The following RNF149 variants were observed in gnomAD, a reference collection of about 807,000 sequenced individuals.
RNF149 encodes the protein ring finger protein 149.
Under a neutral mutation model 39.0 loss-of-function variants are expected in RNF149, and 21 were observed. That is an observed-to-expected ratio of 0.54 (90% confidence interval 0.38 to 0.77). The LOEUF is 0.77. RNF149 is among the 30% of genes least tolerant of loss of function. The pLI is 0.00. For synonymous variants in RNF149, 209 were observed against 213.6 expected (o/e 0.98, Z 0.19); for missense variants, 493 against 534.9 (o/e 0.92, Z 0.77).
At position 101,308,519 on chromosome 2, in the gene RNF149, C is replaced by CACGCA; in HGVS notation, c.69_70insTGCGT (p.Ala24CysfsTer21). The CACGCA allele has an allele frequency of 6.2e-7, 1 of 1,606,440 alleles. No homozygotes were observed. Among genetic ancestry groups the CACGCA allele is most frequent in the Non-Finnish European group, 8.5e-7 (1 of 1,177,850 alleles). On this transcript the variant is annotated frameshift_variant, in exon 1 of 7. Coordinates refer to ENST00000295317, the MANE Select transcript of RNF149 (RefSeq NM_173647.4). LOFTEE classifies it high-confidence loss of function. Reference sequence around the variant, plus strand: ...CCCCGGGCCCCGGGCACGCACAGGGCCAGGGCGAGCAACGCCAGAGCCAAC... The same window carrying CACGCA: ...CCCCGGGCCCCGGGCACGCACAGGGCACGCACAGGGCGAGCAACGCCAGAGCCAAC...
At chr2:101,274,612 A>C (rs910694059), downstream of RNF149, among the ~76,000 whole-genome samples, 10 of 152,202 alleles carry the variant, frequency 6.6e-5, no homozygotes, top group African/African-American at 2.4e-4. Context: ...ACACAGCCCA[A>C]GGGCTCGCCA....
chr2:101,303,479 T>C (rs1224303842), intron 1 of RNF149, among the ~76,000 whole-genome samples: 3 of 152,162 alleles, frequency 2.0e-5, no homozygotes, highest in African/African-American at 7.2e-5. Flanking sequence ...TGTGAGAGTG[T>C]AGCATTACAG....
chr2:101,273,465 A>AATATTTGT (rs1365618938), downstream of RNF149: 1 of 404,802 alleles, frequency 2.5e-6, no homozygotes, highest in Non-Finnish European at 5.0e-6. Flanking sequence ...AAACTCTTGT[A>AATATTTGT]ATATTTGTTT....
chr2:101,298,764 G>C (rs1683338295), intron 1 of RNF149, among the ~76,000 whole-genome samples: 1 of 152,218 alleles, frequency 6.6e-6, no homozygotes, highest in Admixed American at 6.5e-5. Flanking sequence ...GACCATGACT[G>C]TTTCTGGGGA....
chr2:101,286,212 A>C, intron 4 of RNF149, 35 bp from the exon 5 acceptor site: 1 of 1,204,574 alleles, frequency 8.3e-7, no homozygotes, highest in Non-Finnish European at 1.2e-6. Context: ...TGTTTTTAAA[A>C]TCAATGTTTA....
In RNF149 at chr2:101,308,397, G is replaced by A. The variant is rs776434546; in HGVS notation, c.192C>T (p.Phe64=). The change falls in exon 1 of 7, where the codon TTC becomes TTT. Residue 64 remains phenylalanine, a synonymous_variant. Coordinates refer to ENST00000295317, the MANE Select transcript of RNF149 (RefSeq NM_173647.4). The part of the protein sequence containing the change: ...TVWSVSESGR[F]GDSSPKEGAH... ...CGCCCTCCTTGGGCGAGCTGTCGCCGAAGCGGCCACTCTCCGAGACGCTCC... is the reference window on the plus strand; with the variant it reads ...CGCCCTCCTTGGGCGAGCTGTCGCCAAAGCGGCCACTCTCCGAGACGCTCC... 8 of 1,610,222 alleles carry A rather than the reference G, an allele frequency of 5.0e-6. No homozygotes were observed. In the African/African-American group the frequency reaches 6.7e-5, roughly 14 times the overall value.
chr2:101,289,708 A>G lies in RNF149; in HGVS notation c.781-653T>C, dbSNP rs1215710215. ...CAACTGTTGAGCAAGACTCTGTCTC[A>G]AAAAAAAAAAAAAAAAAGAGACAGG... On this transcript the variant is annotated intron_variant, in intron 3 of 6. Coordinates refer to ENST00000295317, the MANE Select transcript of RNF149 (RefSeq NM_173647.4). 2.2e-3 allele frequency among the ~76,000 whole-genome samples: 299 copies of G among 134,042 alleles called. 2 individuals are homozygous for G. The highest frequency in any genetic ancestry group is 7.9e-3 in the African/African-American group (275 of 35,008). The allele number at this position is 134,042 out of a possible 152,430, so 87.9% of individuals were successfully genotyped here. A position where few individuals can be genotyped will look rare whatever the true frequency, so the allele number is the denominator to read the frequency against.
intron 1 of RNF149, among the ~76,000 whole-genome samples, chr2:101,296,631 G>A (rs964734026): frequency 2.0e-5 from 3 of 152,106 alleles, no homozygotes; most frequent in East Asian, 1.9e-4. Flanking sequence ...AAAAAATCAC[G>A]TGGGGCAACT....
chr2:101,287,929 T>C (rs552393429), intron 4 of RNF149, among the ~76,000 whole-genome samples: 51 of 152,342 alleles, frequency 3.3e-4, no homozygotes, highest in African/African-American at 1.2e-3. Context: ...ACTTAAAACA[T>C]ACAATTTCTG....
chr2:101,292,572 C>T lies in RNF149; in HGVS notation c.780+1442G>A, dbSNP rs1020915037. 2.0e-5 allele frequency among the ~76,000 whole-genome samples: 3 copies of T among 152,138 alleles called. No individual in the cohort carries two copies. In the South Asian group the frequency reaches 6.2e-4, roughly 32 times the overall value. On this transcript the variant is annotated intron_variant, in intron 3 of 6. Transcript: ENST00000295317. Reference sequence around the variant, plus strand: ...ACGAGGTCAGGAGATGGAGACCATCCTGGCTAACACGGTGAAACTCCGTCT... The same window carrying T: ...ACGAGGTCAGGAGATGGAGACCATCTTGGCTAACACGGTGAAACTCCGTCT...
intron 6 of RNF149, among the ~76,000 whole-genome samples, chr2:101,279,027 T>A (rs1682459916): frequency 6.6e-6 from 1 of 152,232 alleles, no homozygotes; most frequent in Non-Finnish European, 1.5e-5. Flanking sequence ...TTTCTGGAAG[T>A]ATTAATGCCT....
At chr2:101,286,297 T>A (rs978088111) in intron 4 of RNF149, 120 bp from the exon 5 acceptor site, 29 of 591,466 alleles carry the variant, frequency 4.9e-5, no homozygotes, top group African/African-American at 4.4e-4. Context: ...CAAATAAACA[T>A]TCTAGTCTAC....
intron 3 of RNF149, among the ~76,000 whole-genome samples, chr2:101,293,157 G>A (rs1457713643): frequency 6.6e-6 from 1 of 151,710 alleles, no homozygotes; most frequent in East Asian, 1.9e-4. Context: ...AAAATCAAAA[G>A]TCTGTAAGCT....
chr2:101,273,683 G>C (rs115889826), downstream of RNF149, among the ~76,000 whole-genome samples: 946 of 151,814 alleles, frequency 6.2e-3, 3 homozygotes, highest in African/African-American at 0.022. Context: ...TTGTTGCCTA[G>C]GCTAGTCTTG....
intron 1 of RNF149, among the ~76,000 whole-genome samples, chr2:101,298,177 TC>T (rs1164821320): frequency 6.6e-6 from 1 of 152,174 alleles, no homozygotes; most frequent in Admixed American, 6.5e-5. Context: ...ACACCTGTAA[TC>T]CCAACACTTT....
At chr2:101,290,365 C>G in intron 3 of RNF149, among the ~76,000 whole-genome samples, 1 of 152,176 alleles carries the variant, frequency 6.6e-6, no homozygotes, top group South Asian at 2.1e-4. Flanking sequence ...TTAGACAACA[C>G]TAGTCTCTCT....
In RNF149 at chr2:101,307,849, A is replaced by G. The variant is rs1462073380; in HGVS notation, c.460+280T>C. 7 of 985,216 alleles carry G rather than the reference A, an allele frequency of 7.1e-6. No individual in the cohort carries two copies. In the African/African-American group the frequency reaches 1.0e-4, roughly 15 times the overall value. 61.0% of individuals were successfully genotyped at this position (985,216 alleles called of 1,614,324 possible). ...TCATGAGATTTCCTCACCTGTTAGA[A>G]CCACAAGCCTCCTTCTGTGGATTTT... On this transcript the variant is annotated intron_variant, in intron 1 of 6. Coordinates refer to ENST00000295317, the MANE Select transcript of RNF149 (RefSeq NM_173647.4).
At chr2:101,282,118 G>A (rs573709046) in intron 5 of RNF149, 61 bp from the exon 6 acceptor site, 1 of 1,596,840 alleles carries the variant, frequency 6.3e-7, no homozygotes, top group Non-Finnish European at 8.5e-7. Context: ...CAAAGCTTAT[G>A]TATCATCTGG....
intron 3 of RNF149, among the ~76,000 whole-genome samples, chr2:101,291,869 A>C (rs1683025150): frequency 6.6e-6 from 1 of 152,210 alleles, no homozygotes; most frequent in Non-Finnish European, 1.5e-5. Flanking sequence ...GTAAAACTGC[A>C]AGAAAATCCA....
Sources: allele counts gnomAD v4.1 joint callset (sites outside exome capture counted in the v4.1 genomes callset), GRCh38; gene constraint gnomAD v4.1.1; transcripts MANE v1.5; gene names NCBI Gene and HGNC (gene_info 2026-07-23, HGNC 2026-07-21).